Variants in HACD4 observed in about 807,000 individuals in gnomAD.
The protein encoded by HACD4 is 3-hydroxyacyl-CoA dehydratase 4, also known as very-long-chain (3R)-3-hydroxyacyl-CoA dehydratase 4.
Under a neutral mutation model 33.3 loss-of-function variants are expected in HACD4, and 35 were observed. The ratio of observed to expected loss-of-function variants is 1.05; its 90% CI spans 0.80 to 1.39. The LOEUF (loss-of-function observed/expected upper bound fraction) is 1.39. Among genes scored for constraint, HACD4 ranks in the 40% most tolerant of loss-of-function variants. The probability of loss-of-function intolerance (pLI) is 0.00; values close to 1 mark genes in which losing one functional copy is unlikely to be tolerated. For missense variants in HACD4, 323 were observed against 276.5 expected, an observed-to-expected ratio of 1.17 and a Z score of -1.19; for synonymous variants, 118 against 98.0, an observed-to-expected ratio of 1.20 and a Z score of -1.21.
intron 3 of HACD4, among the ~76,000 whole-genome samples, chr9:21,025,352 T>G (rs1208333497): frequency 1.3e-5 from 2 of 152,092 alleles, no homozygotes; most frequent in African/African-American, 4.8e-5. Context: ...TTAGACAAAT[T>G]TTAATATAAG....
intron 4 of HACD4, among the ~76,000 whole-genome samples, chr9:21,012,300 T>C (rs1224735324): frequency 6.6e-6 from 1 of 152,224 alleles, no homozygotes; most frequent in African/African-American, 2.4e-5. Context: ...CTAGATGGCA[T>C]GTTAAAACAC....
chr9:21,012,259 G>C (rs1842454635), intron 4 of HACD4, among the ~76,000 whole-genome samples: 1 of 152,144 alleles, frequency 6.6e-6, no homozygotes, highest in African/African-American at 2.4e-5. Context: ...TAGGACACTG[G>C]TTTTTAGGCT....
intron 3 of HACD4, among the ~76,000 whole-genome samples, chr9:21,019,943 G>C (rs1405404761): frequency 6.6e-6 from 1 of 151,988 alleles, no homozygotes; most frequent in Non-Finnish European, 1.5e-5. Flanking sequence ...CTGGCTTTTT[G>C]CCTAAAAGGC....
intron 6 of HACD4, among the ~76,000 whole-genome samples, chr9:21,007,383 AC>A (rs1057043817): frequency 1.3e-5 from 2 of 152,094 alleles, no homozygotes; most frequent in African/African-American, 4.8e-5. Flanking sequence ...CTAAAGTTTC[AC>A]ATTTTTGTCT....
intron 2 of HACD4, among the ~76,000 whole-genome samples, chr9:21,027,146 A>G (rs1818083524): frequency 6.6e-6 from 1 of 152,232 alleles, no homozygotes; most frequent in African/African-American, 2.4e-5. Context: ...GAGAAAAAAT[A>G]TTATTTCGGA....
At chr9:21,017,539 T>C (rs1170812732) in intron 3 of HACD4, among the ~76,000 whole-genome samples, 2 of 152,292 alleles carry the variant, frequency 1.3e-5, no homozygotes, top group East Asian at 1.9e-4. Flanking sequence ...TACACGATCA[T>C]AGCAACAAAT....
At position 21,008,379 on chromosome 9, in the gene HACD4, G is replaced by A. The variant is rs571701695; in HGVS notation, c.491-233C>T. The stretch of plus-strand genomic sequence containing the variant: ...ATGTTTGTCCATGGTATACCTTATT[G>A]TGCCTACAGAAGAATTTACAATGTT... On this transcript the variant is annotated intron_variant, in intron 5 of 6. Transcript: ENST00000495827. 2.6e-5 allele frequency among the ~76,000 whole-genome samples: 4 copies of A among 152,254 alleles called. No individual in the cohort carries two copies. In the South Asian group the frequency reaches 8.3e-4, roughly 32 times the overall value.
At chr9:21,016,099 A>G (rs1359770398) in intron 3 of HACD4, 89 bp from the exon 4 acceptor site, 1 of 804,150 alleles carries the variant, frequency 1.2e-6, no homozygotes, top group African/African-American at 1.7e-5. Flanking sequence ...TCTCCTTTCA[A>G]AAGTATACTT....
chr9:21,018,462 A>G lies in HACD4; in HGVS notation c.271-2452T>C, dbSNP rs531501065. Among the ~76,000 whole-genome samples the G allele has an allele frequency of 9.5e-4, 145 of 152,264 alleles. 1 individual carries two copies. The highest frequency in any genetic ancestry group is 1.7e-3 in the Non-Finnish European group (113 of 67,994). ...TCACCTAGTATCCAGATTATAGCCT[A>G]TTCTTTAAAAAAGCTTCTCCTTAAA... On this transcript the variant is annotated intron_variant, in intron 3 of 6. Transcript: ENST00000495827.
At chr9:21,029,216 G>C in intron 2 of HACD4, 79 bp downstream of exon 2, 1 of 819,714 alleles carries the variant, frequency 1.2e-6, no homozygotes, top group Non-Finnish European at 2.0e-6. Context: ...GTTGAGGTGT[G>C]TAGAAATTTA....
chr9:21,012,331 A>G (rs1283172438), intron 4 of HACD4, among the ~76,000 whole-genome samples: 1 of 152,236 alleles, frequency 6.6e-6, no homozygotes, highest in Non-Finnish European at 1.5e-5. Flanking sequence ...GCCCTACTCC[A>G]AAGTTTCTGA....
At chr9:21,020,188 T>C (rs949991713) in intron 3 of HACD4, among the ~76,000 whole-genome samples, 6 of 151,988 alleles carry the variant, frequency 3.9e-5, no homozygotes, top group African/African-American at 7.2e-5. Context: ...ATTTTAAAAA[T>C]TGAGTAAAAA....
rs1377262651 is a variant in HACD4, at chr9:21,005,320, T to G, written c.*1717A>C. The G allele has an allele frequency of 6.6e-6, 1 of 152,170 alleles. No homozygotes were observed. The highest frequency in any genetic ancestry group is 1.9e-4 in the East Asian group (1 of 5,196). The allele number at this position is 152,170 out of a possible 1,614,324, so 9.4% of individuals were successfully genotyped here. On this transcript the variant is annotated 3_prime_UTR_variant, in exon 7 of 7. Transcript: ENST00000495827. The surrounding 1 kb of genome is among the most constrained non-coding windows in gnomAD (Gnocchi z 4.0). ...AAACGGAACCAGAACTTAAAAGATG[T>G]GGGAAATTATCAGTCTGTCTGCATT...
At position 21,005,947 on chromosome 9, in the gene HACD4, C is replaced by T. The variant is rs1377700347; in HGVS notation, c.*1090G>A. ...TGGAAGCACATAACTTGTTTCATTT[C>T]ACAAGTTCAAAGCTGGAAAGGAATT... On this transcript the variant is annotated 3_prime_UTR_variant, in exon 7 of 7. Coordinates refer to ENST00000495827, the MANE Select transcript of HACD4 (RefSeq NM_001010915.5). The surrounding 1 kb of genome is among the most constrained non-coding windows in gnomAD (Gnocchi z 4.0). The T allele has an allele frequency of 6.6e-6, 1 of 152,210 alleles. No individual in the cohort carries two copies. The highest frequency in any genetic ancestry group is 1.5e-5 in the Non-Finnish European group (1 of 68,040). 9.4% of individuals were successfully genotyped at this position (152,210 alleles called of 1,614,324 possible).
chr9:21,007,449 C>T (rs568082596), intron 6 of HACD4, among the ~76,000 whole-genome samples: 32 of 152,010 alleles, frequency 2.1e-4, no homozygotes, highest in East Asian at 5.8e-4. Flanking sequence ...TAGAGATAAT[C>T]ATTATTTTGG....
chr9:21,022,430 T>C (rs1486677700), intron 3 of HACD4, among the ~76,000 whole-genome samples: 1 of 151,864 alleles, frequency 6.6e-6, no homozygotes, highest in Non-Finnish European at 1.5e-5. Flanking sequence ...ACCATCAGAG[T>C]GAACAGGCAA....
chr9:21,017,567 C>G (rs1842590200), intron 3 of HACD4, among the ~76,000 whole-genome samples: 1 of 152,118 alleles, frequency 6.6e-6, no homozygotes, highest in African/African-American at 2.4e-5. Flanking sequence ...TAGGCTCTAC[C>G]TCTCTTACAT....
chr9:21,031,279 G>T, intron 1 of HACD4: 1 of 192,864 alleles, frequency 5.2e-6, no homozygotes, highest in Non-Finnish European at 9.5e-6. Context: ...GGGAAGTACT[G>T]GCAGAGGGCT....
In HACD4 at chr9:21,018,074, C is replaced by A. The variant is rs938268997; in HGVS notation, c.271-2064G>T. Among the ~76,000 whole-genome samples, 3 of 152,094 alleles carry A rather than the reference C, an allele frequency of 2.0e-5. No homozygotes were observed. The South Asian group carries it at 6.2e-4, about 32-fold the overall frequency. ...CACACATACACACGAGTGAAGACTCCCTCTATATTCGGTGTCAATCTAATT... is the reference window on the plus strand; with the variant it reads ...CACACATACACACGAGTGAAGACTCACTCTATATTCGGTGTCAATCTAATT... On this transcript the variant is annotated intron_variant, in intron 3 of 6. Coordinates refer to ENST00000495827, the MANE Select transcript of HACD4 (RefSeq NM_001010915.5).
Sources: gnomAD v4.1 joint callset for allele counts (sites outside exome capture counted in the v4.1 genomes callset) on GRCh38, gnomAD v4.1.1 for gene constraint, Gnocchi (gnomAD v3.1) non-coding constraint, MANE v1.5 for transcripts, NCBI Gene and HGNC (gene_info 2026-07-23, HGNC 2026-07-21) for gene names.